SLC26A7: variants seen among roughly 807,000 people sequenced by gnomAD.
The protein encoded by SLC26A7 is solute carrier family 26 member 7.
In SLC26A7, 59 loss-of-function variants were observed where a neutral mutation model predicts 82.5. The observed-to-expected ratio is 0.72, with a 90% CI of 0.58 to 0.89. SLC26A7 has a LOEUF of 0.89. Ranked by LOEUF, SLC26A7 falls within the 40% of genes least tolerant of loss-of-function variation. SLC26A7 has a pLI of 0.00. For missense variants in SLC26A7, 820 were observed against 793.0 expected, an observed-to-expected ratio of 1.03 and a Z score of -0.41; for synonymous variants, 271 against 274.3, an observed-to-expected ratio of 0.99 and a Z score of 0.12.
chr8:91,258,992 C>T (rs1025596761), intron 2 of SLC26A7, among the ~76,000 whole-genome samples: 1 of 152,108 alleles, frequency 6.6e-6, no homozygotes, highest in African/African-American at 2.4e-5. Context: ...CCTTGCTTCA[C>T]ATGATCTCCT....
At chr8:91,360,414 C>A (rs1192996762) in intron 11 of SLC26A7, among the ~76,000 whole-genome samples, 1 of 152,080 alleles carries the variant, frequency 6.6e-6, no homozygotes, top group Non-Finnish European at 1.5e-5. Flanking sequence ...ATAACTGTGA[C>A]AACTAGCATT....
intron 16 of SLC26A7, among the ~76,000 whole-genome samples, chr8:91,392,152 C>T (rs982109504): frequency 1.3e-5 from 2 of 152,082 alleles, no homozygotes; most frequent in Non-Finnish European, 2.9e-5. Context: ...TTCCCTTAGC[C>T]AGGTGTGTTT....
chr8:91,352,523 A>G (rs180678943), intron 10 of SLC26A7, among the ~76,000 whole-genome samples: 160 of 152,270 alleles, frequency 1.1e-3, no homozygotes, highest in African/African-American at 3.8e-3. Context: ...CATTTAAGGC[A>G]ATTATAAGAA....
intron 4 of SLC26A7, among the ~76,000 whole-genome samples, chr8:91,307,056 CA>C (rs1327613157): frequency 1.5e-5 from 2 of 137,630 alleles, no homozygotes; most frequent in Admixed American, 1.5e-4. Context: ...AAATGCTCAT[CA>C]TCACTGGCCA....
intron 15 of SLC26A7, among the ~76,000 whole-genome samples, chr8:91,377,953 T>C (rs1339356232): frequency 2.6e-5 from 4 of 152,238 alleles, no homozygotes; most frequent in Admixed American, 1.3e-4. Flanking sequence ...TGGTATCTGA[T>C]GTTCCTAGTT....
chr8:91,232,355 G>A (rs779948138), intron 2 of SLC26A7, among the ~76,000 whole-genome samples: 4 of 151,926 alleles, frequency 2.6e-5, no homozygotes, highest in Non-Finnish European at 5.9e-5. Flanking sequence ...CAGAGAATCT[G>A]TGATGAAAAG....
chr8:91,351,765 G>T, intron 9 of SLC26A7, 45 bp from the exon 10 acceptor site: 1 of 1,375,224 alleles, frequency 7.3e-7, no homozygotes, highest in Non-Finnish European at 1.0e-6. Flanking sequence ...TAATAAAAAA[G>T]TTCAAGGCTT....
chr8:91,225,311 G>GGGC (rs764068106), intron 2 of SLC26A7, among the ~76,000 whole-genome samples: 16 of 152,196 alleles, frequency 1.1e-4, no homozygotes, highest in Non-Finnish European at 2.2e-4. Context: ...GGGTTTGCAA[G>GGGC]TGGGATCTTC....
chr8:91,296,582 A>G (rs947441488), intron 4 of SLC26A7, among the ~76,000 whole-genome samples: 17 of 152,236 alleles, frequency 1.1e-4, no homozygotes, highest in African/African-American at 4.1e-4. Context: ...GAAAGGAAGC[A>G]TTAAAATTCT....
intron 15 of SLC26A7, among the ~76,000 whole-genome samples, chr8:91,370,231 C>G (rs1464056333): frequency 7.0e-6 from 1 of 142,742 alleles, no homozygotes; most frequent in Non-Finnish European, 1.5e-5. Context: ...CTTCCTTTTT[C>G]TCTTTACTTC....
intron 15 of SLC26A7, among the ~76,000 whole-genome samples, chr8:91,387,348 A>G (rs367544347): frequency 3.9e-5 from 6 of 152,252 alleles, no homozygotes; most frequent in African/African-American, 1.4e-4. Flanking sequence ...TGGTCAGTAG[A>G]TGAGCTATGT....
At position 91,289,259 on chromosome 8, in the gene SLC26A7, A is replaced by G; in HGVS notation, c.304+13A>G. On this transcript the variant is annotated intron_variant, in intron 3 of 18. Transcript: ENST00000276609. ...CATGTTGCCACAGGTAATAATTCCT[A>G]TGTTTATGCTTCTAATGTTACTCGC... is the stretch of plus-strand genomic sequence containing the variant. The G allele has an allele frequency of 6.4e-7, 1 of 1,571,202 alleles. No individual in the cohort carries two copies. Among genetic ancestry groups the G allele is most frequent in the Non-Finnish European group, 8.8e-7 (1 of 1,140,998 alleles).
chr8:91,330,695 A>G (rs1813056727), intron 5 of SLC26A7, among the ~76,000 whole-genome samples: 1 of 152,154 alleles, frequency 6.6e-6, no homozygotes, highest in Non-Finnish European at 1.5e-5. Flanking sequence ...AAATAATCAT[A>G]TAAGGACAAT....
chr8:91,329,619 T>C (rs1326431648), intron 5 of SLC26A7, among the ~76,000 whole-genome samples: 2 of 152,168 alleles, frequency 1.3e-5, no homozygotes, highest in African/African-American at 2.4e-5. Context: ...AAGTTTTGCA[T>C]ATTTCTACTC....
intron 6 of SLC26A7, among the ~76,000 whole-genome samples, chr8:91,336,631 C>G (rs1001021372): frequency 5.9e-5 from 9 of 152,042 alleles, no homozygotes; most frequent in South Asian, 2.1e-4. Context: ...TGCAATCCCC[C>G]CCTTGCCCAG....
chr8:91,340,606 TC>T lies in SLC26A7; in HGVS notation c.1026+58del, dbSNP rs774066805. The T allele has an allele frequency of 1.5e-5, 23 of 1,577,584 alleles. No homozygotes were observed. The South Asian group carries it at 2.6e-4, about 17-fold the overall frequency. On this transcript the variant is annotated intron_variant, in intron 8 of 18. Transcript: ENST00000276609. The stretch of plus-strand genomic sequence containing the variant: ...CCAGTTGTATCATTGCACTGTGCAC[TC>T]CCAGATCCTAAAAATGATGAACTTA...
intron 15 of SLC26A7, among the ~76,000 whole-genome samples, chr8:91,387,284 G>A (rs1814826592): frequency 6.6e-6 from 1 of 152,340 alleles, no homozygotes; most frequent in East Asian, 1.9e-4. Flanking sequence ...CATTAGTAGA[G>A]ATAAATCTTA....
intron 4 of SLC26A7, among the ~76,000 whole-genome samples, chr8:91,315,118 T>C (rs1812592273): frequency 6.6e-6 from 1 of 152,012 alleles, no homozygotes; most frequent in South Asian, 2.1e-4. Context: ...GAAGGTAAAA[T>C]GATGATGGTC....
rs1808622282 is a variant in SLC26A7, at chr8:91,398,126, A to C, written c.*3029A>C. 6.6e-6 allele frequency: 1 copy of C among 152,566 alleles called. No homozygotes were observed. Among genetic ancestry groups the C allele is most frequent in the African/African-American group, 2.4e-5 (1 of 41,458 alleles). 9.5% of individuals were successfully genotyped at this position (152,566 alleles called of 1,614,324 possible). A position where few individuals can be genotyped will look rare whatever the true frequency, so the allele number is the denominator to read the frequency against. Reference sequence around the variant, plus strand: ...GTAACAACCAATTTACATGGAAATAAATCGAAATATGATAACTATTATGCT... The same window carrying C: ...GTAACAACCAATTTACATGGAAATACATCGAAATATGATAACTATTATGCT... On this transcript the variant is annotated 3_prime_UTR_variant, in exon 19 of 19. Transcript: ENST00000276609.
Sources: allele counts gnomAD v4.1 joint callset (sites outside exome capture counted in the v4.1 genomes callset), GRCh38; gene constraint gnomAD v4.1.1; transcripts MANE v1.5; gene names NCBI Gene and HGNC (gene_info 2026-07-23, HGNC 2026-07-21).